The following PCDH9 variants were observed in gnomAD, a reference collection of about 807,000 sequenced individuals.
PCDH9 encodes the protein protocadherin 9.
Under a neutral mutation model 70.6 loss-of-function variants are expected in PCDH9, and 24 were observed. The ratio of observed to expected loss-of-function variants is 0.34; its 90% CI spans 0.25 to 0.48. The LOEUF (loss-of-function observed/expected upper bound fraction) is 0.48. Ranked by LOEUF, PCDH9 falls within the 20% of genes least tolerant of loss-of-function variation. The pLI is 0.99. For synonymous variants in PCDH9, 562 were observed against 558.5 expected, an observed-to-expected ratio of 1.01 and a Z score of -0.09; for missense variants, 1,281 against 1,503.6, an observed-to-expected ratio of 0.85 and a Z score of 2.45.
intron 2 of PCDH9, among the ~76,000 whole-genome samples, chr13:67,194,499 A>G (rs924342331): frequency 6.6e-6 from 1 of 152,176 alleles, no homozygotes; most frequent in African/African-American, 2.4e-5. Context: ...AACTAGCTTA[A>G]TATTTGCTCA....
At chr13:66,674,224 C>A (rs1230693911) in intron 3 of PCDH9, among the ~76,000 whole-genome samples, 1 of 152,034 alleles carries the variant, frequency 6.6e-6, no homozygotes, top group Non-Finnish European at 1.5e-5. Context: ...ATTTACCAAT[C>A]TGTCCTTGTA....
intron 3 of PCDH9, among the ~76,000 whole-genome samples, chr13:66,646,938 G>A (rs564537926): frequency 2.0e-5 from 3 of 152,074 alleles, no homozygotes; most frequent in African/African-American, 4.8e-5. Flanking sequence ...ATTGGAACTC[G>A]GTGCTGCCCT....
chr13:66,477,783 G>C (rs955174773), intron 4 of PCDH9, among the ~76,000 whole-genome samples: 6 of 152,160 alleles, frequency 3.9e-5, no homozygotes, highest in African/African-American at 7.2e-5. Context: ...TTCAAGAAAA[G>C]ATAAGGTGAT....
intron 3 of PCDH9, among the ~76,000 whole-genome samples, chr13:66,837,595 G>T (rs528305930): frequency 6.6e-6 from 1 of 152,232 alleles, no homozygotes; most frequent in South Asian, 2.1e-4. Flanking sequence ...AAGTAACGAG[G>T]AAGGGAAGGA....
At chr13:66,725,461 A>AT (rs1225067945) in intron 3 of PCDH9, among the ~76,000 whole-genome samples, 4 of 152,000 alleles carry the variant, frequency 2.6e-5, no homozygotes, top group African/African-American at 4.8e-5. Context: ...CAAGCTTTTA[A>AT]TTTTTTTCCC....
In PCDH9 at chr13:67,193,365, AC is replaced by A. The variant is rs2088972645; in HGVS notation, c.3036+32039del. ...CACACACACACACACACACACACAC[AC>A]AACATAGGAGAAAAAATCAATCTCT... On this transcript the variant is annotated intron_variant, in intron 2 of 4. Transcript: ENST00000377865. Among the ~76,000 whole-genome samples the A allele has an allele frequency of 2.8e-5, 4 of 142,150 alleles. No homozygotes were observed. In the South Asian group the frequency reaches 6.7e-4, roughly 24 times the overall value. The allele number at this position is 142,150 out of a possible 152,430, so 93.3% of individuals were successfully genotyped here.
chr13:66,453,699 T>A (rs1444386012), intron 4 of PCDH9, among the ~76,000 whole-genome samples: 2 of 152,150 alleles, frequency 1.3e-5, no homozygotes, highest in Admixed American at 6.6e-5. Flanking sequence ...TGCAGTAGTA[T>A]AAGGCCCAGG....
intron 3 of PCDH9, among the ~76,000 whole-genome samples, chr13:66,823,269 A>G (rs908992119): frequency 1.3e-5 from 2 of 152,004 alleles, no homozygotes; most frequent in African/African-American, 4.8e-5. Context: ...CATAAATATT[A>G]AAGTGTAAGA....
intron 2 of PCDH9, among the ~76,000 whole-genome samples, chr13:67,164,574 CAA>C (rs56207174): frequency 0.074 from 10,095 of 136,938 alleles, 460 homozygotes; most frequent in African/African-American, 0.12. Context: ...ACTCCATCTC[CAA>C]AAAAAAAAAA....
chr13:66,860,654 C>T (rs2081467983), intron 3 of PCDH9, among the ~76,000 whole-genome samples: 1 of 152,232 alleles, frequency 6.6e-6, no homozygotes, highest in Admixed American at 6.5e-5. Flanking sequence ...CACGCTGAGG[C>T]AGTGGCAAAC....
intron 4 of PCDH9, among the ~76,000 whole-genome samples, chr13:66,351,883 A>T (rs868514967): frequency 6.6e-6 from 1 of 151,446 alleles, no homozygotes; most frequent in Non-Finnish European, 1.5e-5. Context: ...CTTATTGCCA[A>T]GGCTAGAGTG....
intron 3 of PCDH9, among the ~76,000 whole-genome samples, chr13:66,757,077 T>C (rs2079549243): frequency 6.6e-6 from 1 of 152,120 alleles, no homozygotes; most frequent in African/African-American, 2.4e-5. Flanking sequence ...CATCAAGTGA[T>C]CCACCCACCT....
At chr13:66,660,884 T>C (rs962739039) in intron 3 of PCDH9, among the ~76,000 whole-genome samples, 3 of 152,044 alleles carry the variant, frequency 2.0e-5, no homozygotes. Flanking sequence ...GGAAATATTT[T>C]ATATTTTAGT....
chr13:66,682,568 C>G (rs1341700739), intron 3 of PCDH9, among the ~76,000 whole-genome samples: 1 of 152,034 alleles, frequency 6.6e-6, no homozygotes, highest in African/African-American at 2.4e-5. Context: ...AAAAGAGCAT[C>G]CTCCTTTCTG....
Position 67,178,614 on chromosome 13 carries a change from T to G in PCDH9, c.3036+46791A>C, listed in dbSNP as rs181417301. Among the ~76,000 whole-genome samples, 4 of 152,168 alleles carry G rather than the reference T, an allele frequency of 2.6e-5. 1 individual carries two copies. The highest frequency in any genetic ancestry group is 2.6e-4 in the Admixed American group (4 of 15,260). ...TATGTAGTAGCAGCCACATCCAATG[T>G]TTTAAACTCCTCTTAAGTGCCACTC... On this transcript the variant is annotated intron_variant, in intron 2 of 4. Coordinates refer to ENST00000377865, the MANE Select transcript of PCDH9 (RefSeq NM_203487.3).
At position 66,635,410 on chromosome 13, in the gene PCDH9, A is replaced by G. The variant is rs532882032; in HGVS notation, c.3139-3999T>C. Reference sequence around the variant, plus strand: ...TTTATTTTCTGTCAGGACTGCCACTATGAATTCTGATTAGGCAAAGTTTGT... The same window carrying G: ...TTTATTTTCTGTCAGGACTGCCACTGTGAATTCTGATTAGGCAAAGTTTGT... On this transcript the variant is annotated intron_variant, in intron 3 of 4. Coordinates refer to ENST00000377865, the MANE Select transcript of PCDH9 (RefSeq NM_203487.3). 1.1e-4 allele frequency among the ~76,000 whole-genome samples: 16 copies of G among 152,254 alleles called. 1 individual carries two copies. In the South Asian group the frequency reaches 1.9e-3, roughly 18 times the overall value.
At chr13:67,183,923 A>G (rs1389768329) in intron 2 of PCDH9, among the ~76,000 whole-genome samples, 1 of 152,222 alleles carries the variant, frequency 6.6e-6, no homozygotes, top group Non-Finnish European at 1.5e-5. Context: ...ATGGAACACT[A>G]GGCATATTAA....
At chr13:66,951,667 T>C (rs973742316) in intron 2 of PCDH9, among the ~76,000 whole-genome samples, 1 of 152,184 alleles carries the variant, frequency 6.6e-6, no homozygotes, top group Non-Finnish European at 1.5e-5. Context: ...GATGCAAATG[T>C]CAAAACACCA....
Position 67,064,108 on chromosome 13 carries a change from C to T in PCDH9, c.3037-160503G>A, listed in dbSNP as rs79251217. Among the ~76,000 whole-genome samples, 33 of 152,204 alleles carry T rather than the reference C, an allele frequency of 2.2e-4. No homozygotes were observed. The East Asian group carries it at 4.6e-3, about 21-fold the overall frequency. ...GTCCCAACTGTTAAAGTGCTGGAGA[C>T]CTCTGTTGAGCAGCATCTTCAAAAT... On this transcript the variant is annotated intron_variant, in intron 2 of 4. Transcript: ENST00000377865.
Sources: gnomAD v4.1 joint callset for allele counts (sites outside exome capture counted in the v4.1 genomes callset) on GRCh38, gnomAD v4.1.1 for gene constraint, MANE v1.5 for transcripts, NCBI Gene and HGNC (gene_info 2026-07-23, HGNC 2026-07-21) for gene names.